ZNF273: variants seen among roughly 807,000 people sequenced by gnomAD.
ZNF273 encodes zinc finger protein 273.
ZNF273 carries 11 observed loss-of-function variants against 14.9 expected under a neutral mutation model. The observed-to-expected ratio is 0.74, with a 90% CI of 0.46 to 1.22. The LOEUF is 1.22. Ranked by LOEUF, ZNF273 falls within the 50% of genes most tolerant of loss-of-function variation. ZNF273 has a pLI of 0.00. For synonymous variants in ZNF273, 199 were observed against 223.9 expected (o/e 0.89, Z 0.99); for missense variants, 577 against 660.6 (o/e 0.87, Z 1.39).
chr7:64,877,619 G>C (rs866571883), upstream of ZNF273: 1 of 152,258 alleles, frequency 6.6e-6, no homozygotes, highest in Non-Finnish European at 1.5e-5. Flanking sequence ...GCCTGGCGAC[G>C]GGTCCCTGCG....
exon 1 of ZNF273, chr7:64,877,767 G>A (rs1012698397): frequency 1.3e-5 from 2 of 152,376 alleles, no homozygotes; most frequent in Non-Finnish European, 2.9e-5. Flanking sequence ...CTCAAGCGGA[G>A]CCCAAGGGAT....
intron 1 of ZNF273, 111 bp downstream of exon 1, chr7:64,903,530 G>T (rs1470059849): frequency 9.0e-6 from 10 of 1,105,116 alleles, no homozygotes; most frequent in African/African-American, 4.7e-5. Context: ...CAAAATCCGC[G>T]GCCAGGAGTT....
At chr7:64,902,208 T>C (rs977277832), upstream of ZNF273, among the ~76,000 whole-genome samples, 25 of 149,246 alleles carry the variant, frequency 1.7e-4, no homozygotes, top group African/African-American at 5.9e-4. Context: ...GTTTCTTCCT[T>C]TTTTTTTTAA....
upstream of ZNF273, among the ~76,000 whole-genome samples, chr7:64,902,824 C>G (rs1026485340): frequency 4.6e-5 from 7 of 152,122 alleles, no homozygotes; most frequent in Admixed American, 3.9e-4. Flanking sequence ...CCTGATTAGC[C>G]TGGGAAAAGG....
chr7:64,928,465 T>C lies in ZNF273; in HGVS notation c.1137T>C (p.Cys379=). ...TGEKPYKCEE[C]GKAFNQSSTL... The stretch of plus-strand genomic sequence containing the variant: ...AGAAACCCTACAAATGTGAAGAATG[T>C]GGCAAAGCTTTTAACCAGTCCTCAA... Residue 379 remains cysteine, a synonymous_variant, in exon 4 of 4, where the codon TGT becomes TGC. Coordinates refer to ENST00000476120, the MANE Select transcript of ZNF273 (RefSeq NM_021148.3). 3.7e-6 allele frequency: 6 copies of C among 1,613,728 alleles called. No homozygotes were observed. The highest frequency in any genetic ancestry group is 5.1e-6 in the Non-Finnish European group (6 of 1,179,946).
At chr7:64,932,790 T>C (rs965472993), downstream of ZNF273, among the ~76,000 whole-genome samples, 17 of 152,036 alleles carry the variant, frequency 1.1e-4, no homozygotes, top group African/African-American at 3.9e-4. Flanking sequence ...GCTGTGGTCG[T>C]GTGCATCTGT....
At chr7:64,911,229 A>T (rs938660724) in intron 1 of ZNF273, among the ~76,000 whole-genome samples, 10 of 151,000 alleles carry the variant, frequency 6.6e-5, no homozygotes, top group African/African-American at 2.2e-4. Context: ...GTGTATGGTG[A>T]ACCAACTTTG....
At chr7:64,894,660 C>A (rs1792252314), downstream of ZNF273, among the ~76,000 whole-genome samples, 1 of 150,990 alleles carries the variant, frequency 6.6e-6, no homozygotes, top group African/African-American at 2.4e-5. Context: ...ATAAAATAAA[C>A]CTGAATTTGT....
chr7:64,877,920 G>A (rs545086854), intron 1 of ZNF273: 2 of 152,334 alleles, frequency 1.3e-5, no homozygotes, highest in East Asian at 3.9e-4. Context: ...CCCCGGAGGG[G>A]CTTTCTAGTA....
At chr7:64,884,562 C>T (rs1791467545), downstream of ZNF273, among the ~76,000 whole-genome samples, 1 of 152,086 alleles carries the variant, frequency 6.6e-6, no homozygotes, top group African/African-American at 2.4e-5. Flanking sequence ...CCCAGACAGC[C>T]GCGCTGAGAA....
At chr7:64,910,550 G>A (rs1330677931) in intron 1 of ZNF273, among the ~76,000 whole-genome samples, 1 of 151,966 alleles carries the variant, frequency 6.6e-6, no homozygotes, top group Non-Finnish European at 1.5e-5. Flanking sequence ...GTTTTGTTTT[G>A]TTTTGTACCA....
upstream of ZNF273, among the ~76,000 whole-genome samples, chr7:64,899,761 G>GTTT (rs370557127): frequency 6.9e-6 from 1 of 144,818 alleles, no homozygotes; most frequent in Admixed American, 6.9e-5. Flanking sequence ...TAATTTCAAG[G>GTTT]TTTTTTTTTT....
At chr7:64,909,551 T>C (rs757614316) in intron 1 of ZNF273, among the ~76,000 whole-genome samples, 25 of 152,194 alleles carry the variant, frequency 1.6e-4, no homozygotes, top group Non-Finnish European at 3.2e-4. Flanking sequence ...TTATCCGGTC[T>C]ACTATTGATA....
chr7:64,904,189 T>C (rs569795963), intron 1 of ZNF273, among the ~76,000 whole-genome samples: 2 of 152,220 alleles, frequency 1.3e-5, no homozygotes, highest in South Asian at 2.1e-4. Context: ...CCCGGGTTCA[T>C]GCAATTCTCC....
At position 64,930,089 on chromosome 7, in the gene ZNF273, C is replaced by T. The variant is rs1219188570; in HGVS notation, c.*1051C>T. 1.3e-5 allele frequency: 2 copies of T among 152,204 alleles called. No individual in the cohort carries two copies. The highest frequency in any genetic ancestry group is 2.4e-5 in the African/African-American group (1 of 41,438). 9.4% of individuals were successfully genotyped at this position (152,204 alleles called of 1,614,324 possible). The stretch of plus-strand genomic sequence containing the variant: ...ATGTTGGTCAGTCTGGTCTCAAACT[C>T]CCAACCTCAGGTGATATGCCCGCCT... On this transcript the variant is annotated 3_prime_UTR_variant, in exon 4 of 4. Transcript: ENST00000476120.
chr7:64,898,676 G>A (rs935348886), upstream of ZNF273, among the ~76,000 whole-genome samples: 2 of 152,188 alleles, frequency 1.3e-5, no homozygotes, highest in Non-Finnish European at 2.9e-5. Flanking sequence ...CATGTTCCTA[G>A]TAATCCCTCT....
At position 64,917,566 on chromosome 7, in the gene ZNF273, G is replaced by A. The variant is rs759489441; in HGVS notation, c.103-15G>A. 1 of 1,588,870 alleles carries A rather than the reference G, an allele frequency of 6.3e-7. No individual in the cohort carries two copies. Among genetic ancestry groups the A allele is most frequent in the South Asian group, 1.1e-5 (1 of 90,844 alleles). ...CAAGTTGGTAAATATGTTTTTGTGTGTGTGTGTTTTTCAGGGACCACTGAC... is the reference window on the plus strand; with the variant it reads ...CAAGTTGGTAAATATGTTTTTGTGTATGTGTGTTTTTCAGGGACCACTGAC... On this transcript the variant is annotated splice_polypyrimidine_tract_variant and intron_variant, in intron 1 of 3. Coordinates refer to ENST00000476120, the MANE Select transcript of ZNF273 (RefSeq NM_021148.3).
chr7:64,936,984 G>T, the ZNF273 span, among the ~76,000 whole-genome samples: 1 of 152,160 alleles, frequency 6.6e-6, no homozygotes, highest in African/African-American at 2.4e-5. Context: ...ATGAAGTCAT[G>T]TTCTATTGAC....
chr7:64,914,263 C>CTGA (rs1793793211), intron 1 of ZNF273, among the ~76,000 whole-genome samples: 1 of 137,310 alleles, frequency 7.3e-6, no homozygotes, highest in East Asian at 2.1e-4. Context: ...TCTTGAACTC[C>CTGA]TGACCTCAGG....
Sources: gnomAD v4.1 joint callset for allele counts (sites outside exome capture counted in the v4.1 genomes callset) on GRCh38, gnomAD v4.1.1 for gene constraint, MANE v1.5 for transcripts, NCBI Gene and HGNC (gene_info 2026-07-23, HGNC 2026-07-21) for gene names.